AGAP1: variants seen among roughly 807,000 people sequenced by gnomAD.
AGAP1 encodes the protein ArfGAP with GTPase domain, ankyrin repeat and PH domain 1.
Under a neutral mutation model 105.3 loss-of-function variants are expected in AGAP1, and 29 were observed. The observed-to-expected ratio is 0.28, with a 90% confidence interval of 0.21 to 0.38. AGAP1 has a LOEUF of 0.38. AGAP1 is among the 10% of genes least tolerant of loss of function. The probability of loss-of-function intolerance (pLI) is 1.00; values close to 1 mark genes in which losing one functional copy is unlikely to be tolerated. For missense variants in AGAP1, 998 were observed against 1,165.1 expected, an observed-to-expected ratio of 0.86 and a Z score of 2.09; for synonymous variants, 509 against 485.9, an observed-to-expected ratio of 1.05 and a Z score of -0.63.
chr2:235,930,909 C>T lies in AGAP1; in HGVS notation c.1469C>T (p.Ser490Leu), dbSNP rs529668002. Residue 490 changes from serine to leucine, a missense_variant, in exon 12 of 18, where the codon TCG becomes TTG. Ser to Leu is a moderately radical substitution (Grantham distance 145). Coordinates refer to ENST00000304032, the MANE Select transcript of AGAP1 (RefSeq NM_001037131.3). This position sits in a 1 kb window ranked among gnomAD's most constrained non-coding sequence, Gnocchi z 7.9. ...AGTGAGGCTACGGTCATTGCAAACT[C>T]GGCCATCAGCAGTGGTAAGAGGGGG... ...QWSEATVIANSAISSDTGLGD... is the reference protein window; with the variant it reads ...QWSEATVIANLAISSDTGLGD... 17 of 1,613,786 alleles carry T rather than the reference C, an allele frequency of 1.1e-5. No individual in the cohort carries two copies. Among genetic ancestry groups the T allele is most frequent in the East Asian group, 8.9e-5 (4 of 44,822 alleles).
chr2:235,980,038 C>T (rs1019782936), intron 13 of AGAP1, among the ~76,000 whole-genome samples: 12 of 152,100 alleles, frequency 7.9e-5, no homozygotes, highest in African/African-American at 2.2e-4. Flanking sequence ...TCATTGCCTG[C>T]GATTCGTACC....
Position 235,977,647 on chromosome 2 carries a change from C to A in AGAP1, c.1645+9024C>A, listed in dbSNP as rs148270365. ...GGGGTTATATTTTCAGATGTTCTAG[C>A]TGAGCTCGCTTTGTCTTTCCTCCCA... On this transcript the variant is annotated intron_variant, in intron 13 of 17. Transcript: ENST00000304032. The surrounding 1 kb of genome is among the most constrained non-coding windows in gnomAD (Gnocchi z 5.2). Among the ~76,000 whole-genome samples, 14 of 152,262 alleles carry A rather than the reference C, an allele frequency of 9.2e-5. No homozygotes were observed. In the East Asian group the frequency reaches 2.7e-3, roughly 29 times the overall value.
In AGAP1 at chr2:236,102,426, A is replaced by T. The variant is rs1485576736; in HGVS notation, c.2115-17766A>T. 4.0e-5 allele frequency among the ~76,000 whole-genome samples: 6 copies of T among 150,210 alleles called. No individual in the cohort carries two copies. In the East Asian group the frequency reaches 1.2e-3, roughly 29 times the overall value. On this transcript the variant is annotated intron_variant, in intron 16 of 17. Coordinates refer to ENST00000304032, the MANE Select transcript of AGAP1 (RefSeq NM_001037131.3). ...GAGCGAGACTCCATCTCAAAAAAAA[A>T]AAAAAAAAAAAGTTAGCTGGGTGTG... is the stretch of plus-strand genomic sequence containing the variant.
chr2:235,566,249 G>T lies in AGAP1; in HGVS notation c.163+71400G>T, dbSNP rs990465548. ...TGGGATTACAGGCATGCGCCACCAC[G>T]CCTGGCTAATTTTGTATTTTTAGTA... On this transcript the variant is annotated intron_variant, in intron 1 of 17. Coordinates refer to ENST00000304032, the MANE Select transcript of AGAP1 (RefSeq NM_001037131.3). This position sits in a 1 kb window ranked among gnomAD's most constrained non-coding sequence, Gnocchi z 5.2. Among the ~76,000 whole-genome samples, 2 of 152,070 alleles carry T rather than the reference G, an allele frequency of 1.3e-5. No homozygotes were observed.
rs969023539 is a variant in AGAP1, at chr2:236,009,364, C to A, written c.1646-27197C>A. On this transcript the variant is annotated intron_variant, in intron 13 of 17. Coordinates refer to ENST00000304032, the MANE Select transcript of AGAP1 (RefSeq NM_001037131.3). This position sits in a 1 kb window ranked among gnomAD's most constrained non-coding sequence, Gnocchi z 4.2. ...AAGTGACACAAAACCACAGCAGAAT[C>A]CGCTCACACCTGCCGAGGTTCCTGG... Among the ~76,000 whole-genome samples, 1 of 152,216 alleles carries A rather than the reference C, an allele frequency of 6.6e-6. No individual in the cohort carries two copies. The highest frequency in any genetic ancestry group is 6.5e-5 in the Admixed American group (1 of 15,308).
chr2:235,632,773 G>A lies in AGAP1; in HGVS notation c.164-76406G>A, dbSNP rs192274605. On this transcript the variant is annotated intron_variant, in intron 1 of 17. Coordinates refer to ENST00000304032, the MANE Select transcript of AGAP1 (RefSeq NM_001037131.3). ...GATTTAATCAAGAGACTTGATAGCC[G>A]GCCATTGCACGTTCATCAGCCCGGT... Among the ~76,000 whole-genome samples the A allele has an allele frequency of 4.9e-3, 749 of 152,196 alleles. 5 individuals carry two copies. The highest frequency in any genetic ancestry group is 4.2e-3 in the Non-Finnish European group (287 of 68,010).
intron 1 of AGAP1, among the ~76,000 whole-genome samples, chr2:235,565,671 AT>A (rs879833264): frequency 6.6e-6 from 1 of 151,906 alleles, no homozygotes; most frequent in Non-Finnish European, 1.5e-5. Flanking sequence ...GACTTTTTGT[AT>A]TTTTTTTGAG....
At position 235,559,809 on chromosome 2, in the gene AGAP1, A is replaced by C. The variant is rs898721702; in HGVS notation, c.163+64960A>C. 6.6e-6 allele frequency among the ~76,000 whole-genome samples: 1 copy of C among 151,878 alleles called. No individual in the cohort carries two copies. Among genetic ancestry groups the C allele is most frequent in the Non-Finnish European group, 1.5e-5 (1 of 68,012 alleles). On this transcript the variant is annotated intron_variant, in intron 1 of 17. Transcript: ENST00000304032. The surrounding 1 kb of genome is among the most constrained non-coding windows in gnomAD (Gnocchi z 5.7). ...TTTGTATATCTTAGGAGAAATACCT[A>C]TTCAAATCTTTTGACTGTTTTTAAA... is the stretch of plus-strand genomic sequence containing the variant.
At chr2:235,884,821 G>A (rs967603566) in intron 10 of AGAP1, among the ~76,000 whole-genome samples, 2 of 151,972 alleles carry the variant, frequency 1.3e-5, no homozygotes, top group Non-Finnish European at 2.9e-5. Flanking sequence ...ATAACAAAAG[G>A]CAACTTTATA....
chr2:236,101,705 T>G lies in AGAP1; in HGVS notation c.2115-18487T>G, dbSNP rs879645228. ...AAGCCGATCACATCAGCCGCTGTTA[T>G]GGTGAACGGAATTCACTGTGATGGC... On this transcript the variant is annotated intron_variant, in intron 16 of 17. Transcript: ENST00000304032. This position sits in a 1 kb window ranked among gnomAD's most constrained non-coding sequence, Gnocchi z 4.9. 6.6e-6 allele frequency among the ~76,000 whole-genome samples: 1 copy of G among 152,244 alleles called. No individual in the cohort carries two copies. Among genetic ancestry groups the G allele is most frequent in the Non-Finnish European group, 1.5e-5 (1 of 68,040 alleles).
At chr2:235,758,903 C>T (rs147663456) in intron 6 of AGAP1, among the ~76,000 whole-genome samples, 1 of 152,320 alleles carries the variant, frequency 6.6e-6, no homozygotes, top group Non-Finnish European at 1.5e-5. Flanking sequence ...AGCCGTCCTC[C>T]CGCCCCAGCC....
At chr2:235,682,906 C>T (rs1294520585) in intron 1 of AGAP1, among the ~76,000 whole-genome samples, 1 of 152,028 alleles carries the variant, frequency 6.6e-6, no homozygotes, top group Non-Finnish European at 1.5e-5. Context: ...CTCACCCCCT[C>T]CAACACAGGG....
At position 235,777,469 on chromosome 2, in the gene AGAP1, C is replaced by T. The variant is rs1955967725; in HGVS notation, c.674-20290C>T. Among the ~76,000 whole-genome samples, 6 of 152,246 alleles carry T rather than the reference C, an allele frequency of 3.9e-5. 1 individual carries two copies. In the South Asian group the frequency reaches 1.2e-3, roughly 32 times the overall value. ...CCGTGTGGGGCTGATTCCCACCTGC[C>T]TCCTCGTTATCAGCAGGCAGCCTTG... On this transcript the variant is annotated intron_variant, in intron 6 of 17. Transcript: ENST00000304032. The surrounding 1 kb of genome is among the most constrained non-coding windows in gnomAD (Gnocchi z 5.1).
intron 16 of AGAP1, among the ~76,000 whole-genome samples, chr2:236,066,413 A>T (rs1576215612): frequency 6.6e-6 from 1 of 152,144 alleles, no homozygotes; most frequent in Non-Finnish European, 1.5e-5. Flanking sequence ...TTTAGTAGAG[A>T]TGGGGTTTCG....
At chr2:235,861,448 T>C (rs1190213982) in intron 9 of AGAP1, among the ~76,000 whole-genome samples, 8 of 152,242 alleles carry the variant, frequency 5.3e-5, no homozygotes, top group Admixed American at 5.2e-4. Context: ...AACACACTCT[T>C]GTTGATAGCA....
intron 11 of AGAP1, among the ~76,000 whole-genome samples, chr2:235,913,222 T>C (rs1027649911): frequency 6.6e-6 from 1 of 152,224 alleles, no homozygotes; most frequent in South Asian, 2.1e-4. Flanking sequence ...TTCTAAGTTT[T>C]AATTTTATTG....
rs1011956934 is a variant in AGAP1 at position 235,712,676 on chromosome 2, C to T, written c.222+3439C>T. Among the ~76,000 whole-genome samples the T allele has an allele frequency of 1.3e-5, 2 of 152,216 alleles. No homozygotes were observed. Among genetic ancestry groups the T allele is most frequent in the Admixed American group, 1.3e-4 (2 of 15,284 alleles). ...GTGAAGGGCCGAGTATGGGTTCCAA[C>T]GCACTTCATGTGCCTGCACAGACGG... On this transcript the variant is annotated intron_variant, in intron 2 of 17. Transcript: ENST00000304032. The surrounding 1 kb of genome is among the most constrained non-coding windows in gnomAD (Gnocchi z 6.0).
chr2:236,075,426 A>T (rs925908251), intron 16 of AGAP1, among the ~76,000 whole-genome samples: 1 of 152,194 alleles, frequency 6.6e-6, no homozygotes, highest in Non-Finnish European at 1.5e-5. Context: ...AGACAGATGA[A>T]TGGGGGATGA....
intron 6 of AGAP1, among the ~76,000 whole-genome samples, chr2:235,786,527 ATAAT>A (rs1445423240): frequency 2.6e-5 from 4 of 152,234 alleles, no homozygotes; most frequent in Non-Finnish European, 4.4e-5. Context: ...ATTAAGTGGA[ATAAT>A]TAATAATGAA....
Sources: gnomAD v4.1 joint callset for allele counts (sites outside exome capture counted in the v4.1 genomes callset) on GRCh38, gnomAD v4.1.1 for gene constraint, Gnocchi (gnomAD v3.1) non-coding constraint, MANE v1.5 for transcripts, NCBI Gene and HGNC (gene_info 2026-07-23, HGNC 2026-07-21) for gene names.